The following FYB2 variants were observed in gnomAD, a reference collection of about 807,000 sequenced individuals.
The protein encoded by FYB2 is FYN-binding protein 2.
Under a neutral mutation model 94.1 loss-of-function variants are expected in FYB2, and 103 were observed. That is an observed-to-expected ratio of 1.09 (90% CI 0.93 to 1.29). The LOEUF (loss-of-function observed/expected upper bound fraction) is 1.29, where lower values mean the gene tolerates loss of function less well. Ranked by LOEUF, FYB2 falls within the 50% of genes most tolerant of loss-of-function variation. The probability of loss-of-function intolerance (pLI) is 0.00; values close to 1 mark genes in which losing one functional copy is unlikely to be tolerated. For synonymous variants in FYB2, 293 were observed against 287.9 expected (o/e 1.02, Z -0.18); for missense variants, 896 against 841.5 (o/e 1.06, Z -0.80).
At chr1:56,746,344 C>T (rs1287673480) in intron 9 of FYB2, among the ~76,000 whole-genome samples, 2 of 151,910 alleles carry the variant, frequency 1.3e-5, no homozygotes, top group African/African-American at 2.4e-5. Flanking sequence ...AAATTTTTAT[C>T]TATTATCTTA....
chr1:56,772,788 T>C (rs912564774), intron 4 of FYB2, among the ~76,000 whole-genome samples: 1 of 152,190 alleles, frequency 6.6e-6, no homozygotes, highest in African/African-American at 2.4e-5. Flanking sequence ...AGGCGTATTA[T>C]GGATATTGAA....
intron 1 of FYB2, among the ~76,000 whole-genome samples, chr1:56,817,830 G>A (rs1195776117): frequency 2.0e-5 from 3 of 152,120 alleles, no homozygotes; most frequent in African/African-American, 7.2e-5. Flanking sequence ...TGTCTAATTT[G>A]CCTAACATTC....
intron 17 of FYB2, 115 bp downstream of exon 17, chr1:56,723,473 A>G (rs1295618940): frequency 2.2e-5 from 12 of 553,328 alleles, no homozygotes; most frequent in Non-Finnish European, 3.7e-5. Flanking sequence ...TTTGTGTCAA[A>G]GATCATGTCT....
At chr1:56,772,532 A>C (rs1175106058) in intron 4 of FYB2, among the ~76,000 whole-genome samples, 1 of 152,172 alleles carries the variant, frequency 6.6e-6, no homozygotes, top group Non-Finnish European at 1.5e-5. Flanking sequence ...GGAGGGACGA[A>C]ATAACTCTAT....
chr1:56,791,556 T>A (rs540911798), intron 2 of FYB2, among the ~76,000 whole-genome samples: 1 of 152,272 alleles, frequency 6.6e-6, no homozygotes, highest in East Asian at 1.9e-4. Context: ...CCAGTCCTTA[T>A]CCTTTCATAA....
chr1:56,732,096 T>C (rs1644724344), intron 15 of FYB2: 2 of 152,100 alleles, frequency 1.3e-5, no homozygotes, highest in African/African-American at 4.8e-5. Context: ...CTAACAACTT[T>C]ACCAAGAGAC....
intron 11 of FYB2, 79 bp from the exon 12 acceptor site, chr1:56,742,300 T>C (rs907216778): frequency 7.6e-6 from 8 of 1,052,286 alleles, no homozygotes; most frequent in Non-Finnish European, 1.1e-5. Context: ...AAGTATTAGA[T>C]ACTTACTAGA....
intron 3 of FYB2, among the ~76,000 whole-genome samples, chr1:56,788,627 A>T (rs768999227): frequency 2.6e-5 from 4 of 152,138 alleles, no homozygotes; most frequent in Non-Finnish European, 5.9e-5. Context: ...CTCCCTCCCC[A>T]CTTCTCCTGC....
chr1:56,749,774 G>T (rs1645152286), intron 9 of FYB2, among the ~76,000 whole-genome samples: 1 of 151,818 alleles, frequency 6.6e-6, no homozygotes, highest in Non-Finnish European at 1.5e-5. Context: ...TTGAAATCTG[G>T]GATGAAACTA....
intron 14 of FYB2, chr1:56,737,791 C>T (rs982400002): frequency 1.4e-4 from 22 of 152,080 alleles, no homozygotes; most frequent in Admixed American, 4.6e-4. Flanking sequence ...TTATTCACTC[C>T]CTTATTTTAT....
At chr1:56,721,908 C>T (rs1369336934) in intron 17 of FYB2, among the ~76,000 whole-genome samples, 1 of 152,022 alleles carries the variant, frequency 6.6e-6, no homozygotes, top group Non-Finnish European at 1.5e-5. Flanking sequence ...TTTGTACCCC[C>T]AGTGCCTGGC....
chr1:56,753,754 A>T (rs1206583197), intron 8 of FYB2, 85 bp downstream of exon 8: 1 of 862,008 alleles, frequency 1.2e-6, no homozygotes, highest in African/African-American at 1.7e-5. Context: ...TGTCTCTCTG[A>T]AGAGCTCTCT....
Position 56,805,896 on chromosome 1 carries a change from C to A in FYB2, c.10-13093G>T, listed in dbSNP as rs112457719. Among the ~76,000 whole-genome samples, 1,360 of 152,260 alleles carry A rather than the reference C, an allele frequency of 8.9e-3. 23 individuals are homozygous for A. Among genetic ancestry groups the A allele is most frequent in the African/African-American group, 0.031 (1,292 of 41,538 alleles). On this transcript the variant is annotated intron_variant, in intron 1 of 19. Coordinates refer to ENST00000343433, the MANE Select transcript of FYB2 (RefSeq NM_001004303.5). The stretch of plus-strand genomic sequence containing the variant: ...CCCCAGCCATATGGAACTGTAAGTC[C>A]ATTAAACCCCTTTTGCTGTATAAAT...
intron 4 of FYB2, among the ~76,000 whole-genome samples, chr1:56,780,309 C>T (rs932632322): frequency 3.9e-5 from 6 of 152,212 alleles, no homozygotes; most frequent in African/African-American, 1.4e-4. Flanking sequence ...CTAGGCCAGC[C>T]TCCCTCACAC....
At chr1:56,800,522 A>G (rs1017134598) in intron 1 of FYB2, among the ~76,000 whole-genome samples, 5 of 152,124 alleles carry the variant, frequency 3.3e-5, no homozygotes, top group African/African-American at 1.2e-4. Flanking sequence ...TTGCACCCCC[A>G]TTATCTGTCA....
At chr1:56,824,427 G>A (rs1027172536), upstream of FYB2, 6 of 152,212 alleles carry the variant, frequency 3.9e-5, no homozygotes, top group African/African-American at 1.2e-4. Flanking sequence ...AATTTTGGAG[G>A]AGACACAAAC....
Position 56,751,044 on chromosome 1 carries a change from A to G in FYB2, c.1387T>C (p.Cys463Arg), listed in dbSNP as rs1433128570. The change falls in exon 9 of 20, where the codon TGT becomes CGT. Residue 463 changes from cysteine to arginine, a missense_variant and splice_region_variant. Cys to Arg is a radical substitution (Grantham distance 180, BLOSUM62 -3). Coordinates refer to ENST00000343433, the MANE Select transcript of FYB2 (RefSeq NM_001004303.5). ...PKLARHSQGH[C>R]GHLEVLESTK... ...AAGATCAGAAAGAAATGCAACTTAC[A>G]GTGGCCTTGGGAGTGCCTGGCCAGC... 4 of 1,610,774 alleles carry G rather than the reference A, an allele frequency of 2.5e-6. No homozygotes were observed. Among genetic ancestry groups the G allele is most frequent in the Non-Finnish European group, 3.4e-6 (4 of 1,178,112 alleles).
chr1:56,826,776 C>G, the FYB2 span: 2 of 152,340 alleles, frequency 1.3e-5, no homozygotes, highest in African/African-American at 4.8e-5. Context: ...ACCACCCTCC[C>G]AAGTATTTCT....
rs997139318 is a variant in FYB2 at position 56,739,107 on chromosome 1, G to C, written c.1704-454C>G. ...TTTAGTGAGAGACAGAACTAGAGAA[G>C]TAGAATGGGGACAGCCATGAAGTAT... On this transcript the variant is annotated intron_variant, in intron 13 of 19. Coordinates refer to ENST00000343433, the MANE Select transcript of FYB2 (RefSeq NM_001004303.5). Among the ~76,000 whole-genome samples the C allele has an allele frequency of 3.9e-5, 6 of 152,178 alleles. No individual in the cohort carries two copies. The East Asian group carries it at 7.7e-4, about 20-fold the overall frequency.
Sources: allele counts gnomAD v4.1 joint callset (sites outside exome capture counted in the v4.1 genomes callset), GRCh38; gene constraint gnomAD v4.1.1; transcripts MANE v1.5; gene names NCBI Gene and HGNC (gene_info 2026-07-23, HGNC 2026-07-21).